The following TBXAS1 variants were observed in gnomAD, a reference collection of about 807,000 sequenced individuals.
The protein encoded by TBXAS1 is thromboxane A synthase 1.
In TBXAS1, 48 loss-of-function variants were observed where a neutral mutation model predicts 60.7. The observed-to-expected ratio is 0.79, with a 90% confidence interval of 0.63 to 1.01. The LOEUF is 1.01. Among genes scored for constraint, TBXAS1 ranks in the 50% least tolerant of loss-of-function variants. The pLI, the probability that TBXAS1 is intolerant of heterozygous loss-of-function variation, is 0.00. For synonymous variants in TBXAS1, 287 were observed against 269.7 expected, an observed-to-expected ratio of 1.06 and a Z score of -0.63; for missense variants, 685 against 686.3, an observed-to-expected ratio of 1.00 and a Z score of 0.02.
intron 3 of TBXAS1, among the ~76,000 whole-genome samples, chr7:139,901,046 C>T (rs1306810508): frequency 1.3e-5 from 2 of 152,166 alleles, no homozygotes; most frequent in Non-Finnish European, 2.9e-5. Context: ...GGTGGTTCCT[C>T]AAGATGTAGT....
chr7:139,841,951 T>TTTTTTTAAA, intron 1 of TBXAS1, among the ~76,000 whole-genome samples: 1 of 152,178 alleles, frequency 6.6e-6, no homozygotes, highest in East Asian at 1.9e-4. Context: ...GAGAATAGAT[T>TTTTTTTAAA]GATTTTTTTT....
At chr7:139,960,603 G>A (rs180815637) in intron 8 of TBXAS1, among the ~76,000 whole-genome samples, 49 of 152,068 alleles carry the variant, frequency 3.2e-4, no homozygotes, top group African/African-American at 9.6e-4. Context: ...AAAATTAGCC[G>A]GGTGTGGTGG....
At chr7:139,783,934 C>T (rs552959312) in intron 3 of TBXAS1, among the ~76,000 whole-genome samples, 2 of 152,024 alleles carry the variant, frequency 1.3e-5, no homozygotes, top group African/African-American at 4.8e-5. Context: ...TAGTTAGACA[C>T]TGTTAATCAC....
intron 5 of TBXAS1, among the ~76,000 whole-genome samples, chr7:139,945,777 T>G (rs1808655793): frequency 1.3e-5 from 2 of 152,132 alleles, no homozygotes; most frequent in Non-Finnish European, 2.9e-5. Flanking sequence ...CTTAGCTGAG[T>G]GCAAAGGCTG....
intron 3 of TBXAS1, among the ~76,000 whole-genome samples, chr7:139,910,137 C>T (rs772048406): frequency 1.3e-5 from 2 of 152,130 alleles, no homozygotes; most frequent in African/African-American, 4.8e-5. Context: ...CAGAACATCA[C>T]GCTGTATATT....
chr7:139,885,421 T>C (rs572697039), intron 3 of TBXAS1, among the ~76,000 whole-genome samples: 29 of 152,318 alleles, frequency 1.9e-4, no homozygotes, highest in African/African-American at 5.8e-4. Flanking sequence ...ATAGAGTATG[T>C]AAAACAGTCA....
intron 4 of TBXAS1, among the ~76,000 whole-genome samples, chr7:139,816,074 T>G (rs1243211002): frequency 1.3e-5 from 2 of 152,192 alleles, no homozygotes; most frequent in East Asian, 3.9e-4. Flanking sequence ...GAGTGAGTTC[T>G]CATGAGATCT....
At chr7:139,813,843 C>T (rs189318181) in intron 4 of TBXAS1, among the ~76,000 whole-genome samples, 128 of 152,234 alleles carry the variant, frequency 8.4e-4, no homozygotes, top group Middle Eastern at 3.4e-3. Flanking sequence ...GACCTGGTAC[C>T]CAAAACAGCC....
chr7:139,986,920 C>T (rs1403153737), intron 9 of TBXAS1, among the ~76,000 whole-genome samples: 1 of 151,754 alleles, frequency 6.6e-6, no homozygotes, highest in Non-Finnish European at 1.5e-5. Flanking sequence ...ACTATGCGAT[C>T]TTGGCTCTCA....
At chr7:139,922,123 T>G (rs543758130) in intron 4 of TBXAS1, among the ~76,000 whole-genome samples, 1 of 151,086 alleles carries the variant, frequency 6.6e-6, no homozygotes, top group East Asian at 1.9e-4. Context: ...TTCCCCGAGA[T>G]GGAGTTTTGC....
chr7:139,905,055 C>CTTTCTTTCTT, intron 3 of TBXAS1, among the ~76,000 whole-genome samples: 1 of 115,082 alleles, frequency 8.7e-6, no homozygotes, highest in South Asian at 3.0e-4. Context: ...TTCTTTCTTT[C>CTTTCTTTCTT]TTTCTCTCTC....
chr7:139,794,630 C>G (rs1160979252), intron 4 of TBXAS1, among the ~76,000 whole-genome samples: 1 of 150,884 alleles, frequency 6.6e-6, no homozygotes, highest in Non-Finnish European at 1.5e-5. Context: ...CGTCATCTAG[C>G]ATTAGGTATG....
rs756029091 is a variant in TBXAS1 at position 139,957,760 on chromosome 7, A to C, written c.815A>C (p.Glu272Ala). ...VIALRDQQAA[E>A]ERRRDFLQMV... ...GCCTTGCGGGACCAGCAAGCTGCCG[A>C]AGAGGTAACGTATTTTAATAGGACA... is the stretch of plus-strand genomic sequence containing the variant. Residue 272 changes from glutamate to alanine, a missense_variant, in exon 8 of 13, where the codon GAA (glutamate) becomes GCA (alanine). By Grantham distance (107) the Glu-to-Ala change is moderately radical. Transcript: ENST00000448866. The C allele has an allele frequency of 6.2e-7, 1 of 1,614,010 alleles. No individual in the cohort carries two copies. The highest frequency in any genetic ancestry group is 8.5e-7 in the Non-Finnish European group (1 of 1,180,004).
Position 140,004,487 on chromosome 7 carries a change from T to C in TBXAS1, c.1135-2604T>C, listed in dbSNP as rs1009601666. On this transcript the variant is annotated intron_variant, in intron 9 of 12. Coordinates refer to ENST00000448866, the MANE Select transcript of TBXAS1 (RefSeq NM_001061.7). This position sits in a 1 kb window ranked among gnomAD's most constrained non-coding sequence, Gnocchi z 5.1. ...ATGCAGAACCACTGAAATTACACAATTGGTGTTTGTGACTTGTTGGCCAGA... is the reference window on the plus strand; with the variant it reads ...ATGCAGAACCACTGAAATTACACAACTGGTGTTTGTGACTTGTTGGCCAGA... Among the ~76,000 whole-genome samples the C allele has an allele frequency of 1.3e-5, 2 of 152,240 alleles. No homozygotes were observed. Among genetic ancestry groups the C allele is most frequent in the Non-Finnish European group, 2.9e-5 (2 of 68,038 alleles).
At chr7:139,846,444 G>A (rs373700461) in intron 1 of TBXAS1, among the ~76,000 whole-genome samples, 2 of 152,138 alleles carry the variant, frequency 1.3e-5, no homozygotes, top group East Asian at 3.8e-4. Flanking sequence ...TTAGCATGTT[G>A]GGAGGATTAC....
Position 140,020,274 on chromosome 7 carries a change from C to G in TBXAS1, c.*175C>G. ...AAATGCTTAATAAACGTTTGTTGCA[C>G]TTGGTTTTGACATTGCCAATGGGGT... On this transcript the variant is annotated 3_prime_UTR_variant, in exon 13 of 13. Transcript: ENST00000448866. 1.4e-6 allele frequency: 1 copy of G among 732,634 alleles called. No individual in the cohort carries two copies. The allele number at this position is 732,634 out of a possible 1,614,324, so 45.4% of individuals were successfully genotyped here.
intron 9 of TBXAS1, among the ~76,000 whole-genome samples, chr7:139,994,542 C>T (rs946520090): frequency 1.3e-5 from 2 of 151,994 alleles, no homozygotes; most frequent in South Asian, 4.2e-4. Context: ...TGGGCCTAGC[C>T]CTCCCCACTT....
intron 1 of TBXAS1, among the ~76,000 whole-genome samples, chr7:139,849,722 C>T (rs1004362264): frequency 2.6e-5 from 4 of 152,172 alleles, no homozygotes; most frequent in Non-Finnish European, 5.9e-5. Flanking sequence ...TTCAACTCCA[C>T]CCTGGAAAAG....
At chr7:139,936,928 G>A (rs1469492440) in intron 5 of TBXAS1, among the ~76,000 whole-genome samples, 7 of 152,008 alleles carry the variant, frequency 4.6e-5, no homozygotes, top group African/African-American at 1.7e-4. Flanking sequence ...GGAAGGGCAG[G>A]CTCCACAGGA....
Sources: gnomAD v4.1 joint callset for allele counts (sites outside exome capture counted in the v4.1 genomes callset) on GRCh38, gnomAD v4.1.1 for gene constraint, Gnocchi (gnomAD v3.1) non-coding constraint, MANE v1.5 for transcripts, NCBI Gene and HGNC (gene_info 2026-07-23, HGNC 2026-07-21) for gene names.